The following P2RY10 variants were observed in gnomAD, a reference collection of about 807,000 sequenced individuals.
P2RY10 encodes P2Y receptor family member 10.
A neutral mutation model predicts 12.1 loss-of-function variants in P2RY10; 4 were observed. That is an observed-to-expected ratio of 0.33 (90% CI 0.16 to 0.76). The LOEUF (loss-of-function observed/expected upper bound fraction) is 0.76, where lower values mean the gene tolerates loss of function less well. Among genes scored for constraint, P2RY10 ranks in the 30% least tolerant of loss-of-function variants. The pLI, the probability that P2RY10 is intolerant of heterozygous loss-of-function variation, is 0.61. For synonymous variants in P2RY10, 112 were observed against 94.1 expected, an observed-to-expected ratio of 1.19 and a Z score of -1.10; for missense variants, 233 against 264.6, an observed-to-expected ratio of 0.88 and a Z score of 0.83.
rs866278031 is a variant in P2RY10, at chrX:78,961,192, C to T, written c.672C>T (p.Ser224=). The change falls in exon 4 of 4, where the codon TCC becomes TCT. Residue 224 remains serine (S), a synonymous_variant. Transcript: ENST00000171757. ...GGTGTACCTGGAAAACTACTATATCCTTGAGACAGCCACCAATGGCTTTCC... is the reference window on the plus strand; with the variant it reads ...GGTGTACCTGGAAAACTACTATATCTTTGAGACAGCCACCAATGGCTTTCC... ...IAWCTWKTTI[S]LRQPPMAFQG... is the part of the protein sequence containing the mutation. 4.1e-6 allele frequency: 5 copies of T among 1,210,062 alleles called. No individual in the cohort carries two copies. The highest frequency in any genetic ancestry group is 4.5e-6 in the Non-Finnish European group (4 of 893,955).
chrX:78,947,160 A>C (rs1166964768), intron 1 of P2RY10, among the ~76,000 whole-genome samples: 2 of 110,059 alleles, frequency 1.8e-5, no homozygotes, highest in Non-Finnish European at 3.8e-5. Flanking sequence ...GGTTGCAGTG[A>C]GCTGAGACTG....
rs553196502 is a variant in P2RY10, at chrX:78,954,571, C to T, written c.-14+2236C>T. 1.5e-4 allele frequency among the ~76,000 whole-genome samples: 17 copies of T among 112,152 alleles called. No homozygotes were observed. In the South Asian group the frequency reaches 6.3e-3, roughly 41 times the overall value. ...TTTCCATTCTATGCAGGCTTTATTT[C>T]TGCTTCCACAGAAATGTCTTTGTTA... On this transcript the variant is annotated intron_variant, in intron 3 of 3. Transcript: ENST00000171757.
At position 78,960,789 on chromosome X, in the gene P2RY10, G is replaced by A. The variant is rs1357404678; in HGVS notation, c.269G>A (p.Arg90Gln). The A allele has an allele frequency of 8.3e-7, 1 of 1,211,214 alleles. No individual in the cohort carries two copies. Among genetic ancestry groups the A allele is most frequent in the Non-Finnish European group, 1.1e-6 (1 of 895,249 alleles). Reference sequence around the variant, plus strand: ...GCTCATGTATTATCTTTACCCCTCCGGATTTACTATTACATCAGCCACCAC... The same window carrying A: ...GCTCATGTATTATCTTTACCCCTCCAGATTTACTATTACATCAGCCACCAC... ...DLAHVLSLPLRIYYYISHHWP... is the reference protein window; with the variant it reads ...DLAHVLSLPLQIYYYISHHWP... Residue 90 changes from arginine (R) to glutamine (Q), a missense_variant, in exon 4 of 4, where the codon CGG becomes CAG. By Grantham distance (43) the Arg-to-Gln change is conservative. Coordinates refer to ENST00000171757, the MANE Select transcript of P2RY10 (RefSeq NM_014499.4).
chrX:78,952,997 G>C (rs746317086), intron 3 of P2RY10, among the ~76,000 whole-genome samples: 19 of 111,443 alleles, frequency 1.7e-4, no homozygotes, highest in South Asian at 7.5e-4. Context: ...GCAAAAAGAG[G>C]GTAGAGGAAA....
intron 3 of P2RY10, among the ~76,000 whole-genome samples, chrX:78,959,185 C>T (rs1378685387): frequency 9.0e-6 from 1 of 111,470 alleles, no homozygotes; most frequent in Non-Finnish European, 1.9e-5. Flanking sequence ...TGAACTTTGT[C>T]ATGGGGAGAA....
chrX:78,956,733 T>C (rs1302243766), intron 3 of P2RY10, among the ~76,000 whole-genome samples: 5 of 111,203 alleles, frequency 4.5e-5, no homozygotes, highest in African/African-American at 1.6e-4. Flanking sequence ...GAACCAGAGA[T>C]GTGAATTTTG....
At chrX:78,948,662 T>C (rs1361230600) in intron 2 of P2RY10, among the ~76,000 whole-genome samples, 2 of 111,611 alleles carry the variant, frequency 1.8e-5, no homozygotes, top group Non-Finnish European at 3.8e-5. Flanking sequence ...TATCACTCTG[T>C]ATACCTTTGC....
chrX:78,955,441 C>T (rs1228152087), intron 3 of P2RY10, among the ~76,000 whole-genome samples: 4 of 112,341 alleles, frequency 3.6e-5, no homozygotes, highest in African/African-American at 9.7e-5. Flanking sequence ...CTTGAAATTA[C>T]AGAATAAATG....
chrX:78,949,340 GTC>G (rs1345622065), intron 2 of P2RY10, among the ~76,000 whole-genome samples: 3 of 111,971 alleles, frequency 2.7e-5, no homozygotes, highest in Non-Finnish European at 3.8e-5. Context: ...TCTGTGGGTT[GTC>G]TGTTTACTCG....
At position 78,960,923 on chromosome X, in the gene P2RY10, C is replaced by G; in HGVS notation, c.403C>G (p.Leu135Val). The change falls in exon 4 of 4, where the codon CTC (leucine) becomes GTC (valine). Residue 135 changes from leucine to valine, a missense_variant. Leu to Val is a conservative substitution (Grantham distance 32). Coordinates refer to ENST00000171757, the MANE Select transcript of P2RY10 (RefSeq NM_014499.4). Reference protein sequence around the residue: ...TCISLQRCFFLLKPFRARDWK... With the variant: ...TCISLQRCFFVLKPFRARDWK... ...CATCAGTCTTCAAAGGTGCTTTTTT[C>G]TCCTCAAGCCCTTCAGGGCCAGAGA... is the stretch of plus-strand genomic sequence containing the variant. The G allele has an allele frequency of 8.3e-7, 1 of 1,211,151 alleles. No individual in the cohort carries two copies. The highest frequency in any genetic ancestry group is 1.1e-6 in the Non-Finnish European group (1 of 895,174).
intron 3 of P2RY10, among the ~76,000 whole-genome samples, chrX:78,959,013 T>C (rs748803223): frequency 5.1e-5 from 5 of 98,740 alleles, no homozygotes; most frequent in Non-Finnish European, 1.0e-4. Context: ...CCAGGTTACT[T>C]CTTTGCTTTT....
At chrX:78,949,026 C>G (rs1244173385) in intron 2 of P2RY10, among the ~76,000 whole-genome samples, 1 of 111,587 alleles carries the variant, frequency 9.0e-6, no homozygotes, top group African/African-American at 3.3e-5. Flanking sequence ...TAGAAGCTTT[C>G]TCTTTTATCC....
chrX:78,947,112 AG>A (rs949558701), intron 1 of P2RY10, among the ~76,000 whole-genome samples: 3 of 110,656 alleles, frequency 2.7e-5, no homozygotes, highest in African/African-American at 9.9e-5. Context: ...CTACTGGGCA[AG>A]CTGAGGCTGG....
intron 3 of P2RY10, among the ~76,000 whole-genome samples, chrX:78,953,168 G>A (rs943713553): frequency 2.7e-5 from 3 of 112,342 alleles, no homozygotes; most frequent in Non-Finnish European, 5.6e-5. Context: ...CAGGAGAATG[G>A]AGAACAAAGA....
At chrX:78,955,623 C>G (rs900530611) in intron 3 of P2RY10, among the ~76,000 whole-genome samples, 2 of 112,022 alleles carry the variant, frequency 1.8e-5, no homozygotes, top group Non-Finnish European at 3.8e-5. Context: ...CTCAATCTCT[C>G]CTGGATCTGA....
chrX:78,952,930 T>A (rs754259838), intron 3 of P2RY10, among the ~76,000 whole-genome samples: 1 of 111,239 alleles, frequency 9.0e-6, no homozygotes, highest in Non-Finnish European at 1.9e-5. Context: ...TTTAGCAGAA[T>A]AGAAAAGGGG....
At position 78,962,394 on chromosome X, in the gene P2RY10, A is replaced by G. The variant is rs183293427; in HGVS notation, c.*854A>G. Among the ~76,000 whole-genome samples, 1 of 112,278 alleles carries G rather than the reference A, an allele frequency of 8.9e-6. No individual in the cohort carries two copies. On this transcript the variant is annotated 3_prime_UTR_variant, in exon 4 of 4. Coordinates refer to ENST00000171757, the MANE Select transcript of P2RY10 (RefSeq NM_014499.4). ...TCAGAGAGGTTAAGCAATTTGCCTCAGGATCAACAGTGGTTAGCCAAAATT... is the reference window on the plus strand; with the variant it reads ...TCAGAGAGGTTAAGCAATTTGCCTCGGGATCAACAGTGGTTAGCCAAAATT...
Position 78,961,204 on chromosome X carries a change from A to C in P2RY10, c.684A>C (p.Pro228=), listed in dbSNP as rs370727947. 1.5e-5 allele frequency: 18 copies of C among 1,207,933 alleles called. No individual in the cohort carries two copies. The African/African-American group carries it at 1.7e-4, about 12-fold the overall frequency. The part of the protein sequence containing the change: ...TWKTTISLRQ[P]PMAFQGISER... ...AAACTACTATATCCTTGAGACAGCC[A>C]CCAATGGCTTTCCAAGGGATCAGTG... Residue 228 remains proline (P), a synonymous_variant, in exon 4 of 4, where the codon CCA becomes CCC. Coordinates refer to ENST00000171757, the MANE Select transcript of P2RY10 (RefSeq NM_014499.4).
chrX:78,957,798 G>C (rs1922412441), intron 3 of P2RY10, among the ~76,000 whole-genome samples: 1 of 112,061 alleles, frequency 8.9e-6, no homozygotes, highest in Non-Finnish European at 1.9e-5. Context: ...AAATAAAAAA[G>C]GTGTAAACTT....
Sources: allele counts gnomAD v4.1 joint callset (sites outside exome capture counted in the v4.1 genomes callset), GRCh38; gene constraint gnomAD v4.1.1; transcripts MANE v1.5; gene names NCBI Gene and HGNC (gene_info 2026-07-23, HGNC 2026-07-21).